The following CPXM2 variants were observed in gnomAD, a reference collection of about 807,000 sequenced individuals.
CPXM2 encodes carboxypeptidase X, M14 family member 2, also known as inactive carboxypeptidase-like protein X2.
Under a neutral mutation model 86.1 loss-of-function variants are expected in CPXM2, and 66 were observed. The observed-to-expected ratio is 0.77, with a 90% CI of 0.63 to 0.94. The LOEUF (loss-of-function observed/expected upper bound fraction) is 0.94. Among genes scored for constraint, CPXM2 ranks in the 40% least tolerant of loss-of-function variants. The pLI, the probability that CPXM2 is intolerant of heterozygous loss-of-function variation, is 0.00. For synonymous variants in CPXM2, 388 were observed against 400.2 expected (o/e 0.97, Z 0.36); for missense variants, 948 against 1,026.3 (o/e 0.92, Z 1.04).
intron 13 of CPXM2, chr10:123,750,583 T>C (rs1846051429): frequency 2.1e-6 from 2 of 973,784 alleles, no homozygotes; most frequent in South Asian, 4.8e-5. Context: ...AGTAAACTTT[T>C]AAATCTTCCT....
At chr10:123,817,307 G>A (rs1032527903) in intron 4 of CPXM2, among the ~76,000 whole-genome samples, 9 of 152,142 alleles carry the variant, frequency 5.9e-5, no homozygotes, top group East Asian at 1.9e-4. Flanking sequence ...TGCTTGAGGC[G>A]TCAGCAGAAG....
At chr10:123,899,215 G>GCCCCTAACC (rs1392267748) in intron 2 of CPXM2, among the ~76,000 whole-genome samples, 1 of 152,168 alleles carries the variant, frequency 6.6e-6, no homozygotes, top group East Asian at 1.9e-4. Context: ...TCAAATATTA[G>GCCCCTAACC]CTAACTGAAT....
chr10:123,756,151 G>C (rs1390840085), intron 12 of CPXM2, among the ~76,000 whole-genome samples: 1 of 152,198 alleles, frequency 6.6e-6, no homozygotes, highest in Non-Finnish European at 1.5e-5. Flanking sequence ...TCTGACTCCT[G>C]AGCACAACCC....
chr10:123,813,227 T>C (rs1017091644), intron 4 of CPXM2, among the ~76,000 whole-genome samples: 1 of 152,232 alleles, frequency 6.6e-6, no homozygotes, highest in Non-Finnish European at 1.5e-5. Context: ...ATTAACATTT[T>C]CTAATAACAA....
chr10:123,849,324 C>A (rs551194727), intron 3 of CPXM2, among the ~76,000 whole-genome samples: 17 of 152,202 alleles, frequency 1.1e-4, no homozygotes, highest in Non-Finnish European at 2.2e-4. Flanking sequence ...TACCCATTAA[C>A]TCCCTACTAT....
intron 3 of CPXM2, among the ~76,000 whole-genome samples, chr10:123,847,796 G>A (rs894590594): frequency 2.0e-5 from 3 of 152,174 alleles, no homozygotes; most frequent in East Asian, 1.9e-4. Flanking sequence ...CATTGACTAC[G>A]TGCTAGGTAT....
At chr10:123,778,775 G>T (rs1409669294) in intron 7 of CPXM2, among the ~76,000 whole-genome samples, 1 of 152,142 alleles carries the variant, frequency 6.6e-6, no homozygotes. Flanking sequence ...ACACACCAGT[G>T]CTCCATAAAA....
intron 4 of CPXM2, among the ~76,000 whole-genome samples, chr10:123,815,754 G>A (rs1395930687): frequency 6.6e-6 from 1 of 152,122 alleles, no homozygotes; most frequent in African/African-American, 2.4e-5. Flanking sequence ...GGCCCCTAGA[G>A]GTAAGGTTAA....
intron 6 of CPXM2, among the ~76,000 whole-genome samples, chr10:123,788,878 G>GAAAA (rs11461379): frequency 1.4e-5 from 2 of 138,864 alleles, no homozygotes; most frequent in Non-Finnish European, 1.5e-5. Context: ...CACCTTGATT[G>GAAAA]AAAAAAAAAA....
chr10:123,801,752 G>A (rs760855353), intron 4 of CPXM2, among the ~76,000 whole-genome samples: 5 of 152,098 alleles, frequency 3.3e-5, no homozygotes, highest in Non-Finnish European at 4.4e-5. Flanking sequence ...TGCGTTCTCC[G>A]TGTTCTTTCT....
intron 2 of CPXM2, among the ~76,000 whole-genome samples, chr10:123,866,059 G>T (rs116528720): frequency 6.6e-6 from 1 of 151,974 alleles, no homozygotes; most frequent in South Asian, 2.1e-4. Context: ...CTTCCCTCTC[G>T]GTCCAGACCT....
At chr10:123,763,132 C>T (rs537306303) in intron 10 of CPXM2, among the ~76,000 whole-genome samples, 28 of 152,262 alleles carry the variant, frequency 1.8e-4, no homozygotes, top group East Asian at 5.8e-4. Flanking sequence ...CTCCGCCTCC[C>T]GGGTTCAGGC....
At chr10:123,935,405 C>A (rs1312491064) in intron 2 of CPXM2, among the ~76,000 whole-genome samples, 2 of 152,184 alleles carry the variant, frequency 1.3e-5, no homozygotes, top group Non-Finnish European at 2.9e-5. Flanking sequence ...GCCACAGAGA[C>A]CACACAACAC....
chr10:123,896,023 G>A (rs185419315), upstream of CPXM2, among the ~76,000 whole-genome samples: 251 of 152,160 alleles, frequency 1.6e-3, no homozygotes, highest in African/African-American at 5.6e-3. Flanking sequence ...CACCTTACAC[G>A]GCTAATAATT....
chr10:123,826,651 G>C (rs1274955132), intron 4 of CPXM2, among the ~76,000 whole-genome samples: 1 of 151,926 alleles, frequency 6.6e-6, no homozygotes, highest in Non-Finnish European at 1.5e-5. Flanking sequence ...AAATTAGAGA[G>C]AGGCCTTCTT....
At chr10:123,870,112 T>C (rs1944866528) in intron 2 of CPXM2, among the ~76,000 whole-genome samples, 1 of 152,136 alleles carries the variant, frequency 6.6e-6, no homozygotes, top group Non-Finnish European at 1.5e-5. Context: ...TGTCATTGTA[T>C]CTGTACAATG....
At chr10:123,813,399 T>TC (rs1280011400) in intron 4 of CPXM2, among the ~76,000 whole-genome samples, 3 of 152,228 alleles carry the variant, frequency 2.0e-5, no homozygotes, top group Non-Finnish European at 4.4e-5. Context: ...GATGCTCTGT[T>TC]CCCCTATTCT....
At chr10:123,893,697 G>A (rs1945310188), upstream of CPXM2, among the ~76,000 whole-genome samples, 1 of 151,930 alleles carries the variant, frequency 6.6e-6, no homozygotes, top group East Asian at 1.9e-4. Flanking sequence ...CTATCCCCAG[G>A]GCTCACTCCT....
chr10:123,824,375 ATC>A (rs1453955929), intron 4 of CPXM2, among the ~76,000 whole-genome samples: 3 of 152,206 alleles, frequency 2.0e-5, no homozygotes, highest in African/African-American at 7.2e-5. Context: ...CAAATATTTC[ATC>A]TGTCAAAAAT....
Sources: allele counts gnomAD v4.1 joint callset (sites outside exome capture counted in the v4.1 genomes callset), GRCh38; gene constraint gnomAD v4.1.1; transcripts MANE v1.5; gene names NCBI Gene and HGNC (gene_info 2026-07-23, HGNC 2026-07-21).